Variants in EPHB1 observed in about 807,000 individuals in gnomAD.
The protein encoded by EPHB1 is EPH receptor B1.
Under a neutral mutation model 94.4 loss-of-function variants are expected in EPHB1, and 30 were observed. That is an observed-to-expected ratio of 0.32 (90% CI 0.24 to 0.43). The LOEUF (loss-of-function observed/expected upper bound fraction) is 0.43. Among genes scored for constraint, EPHB1 ranks in the 20% least tolerant of loss-of-function variants. The pLI is 1.00. For synonymous variants in EPHB1, 522 were observed against 489.1 expected (o/e 1.07, Z -0.89); for missense variants, 1,055 against 1,308.3 (o/e 0.81, Z 2.99).
chr3:135,119,580 G>A (rs1270868921), intron 4 of EPHB1, among the ~76,000 whole-genome samples: 1 of 152,022 alleles, frequency 6.6e-6, no homozygotes, highest in African/African-American at 2.4e-5. Flanking sequence ...AGCCTCCTGA[G>A]TAGCTGGGCT....
At chr3:135,134,852 C>T (rs185508285) in intron 5 of EPHB1, among the ~76,000 whole-genome samples, 4 of 152,190 alleles carry the variant, frequency 2.6e-5, no homozygotes, top group South Asian at 2.1e-4. Flanking sequence ...TAAGCATGTG[C>T]GAACAAACCT....
chr3:135,133,356 G>A (rs765133139), intron 5 of EPHB1, among the ~76,000 whole-genome samples: 2 of 152,244 alleles, frequency 1.3e-5, no homozygotes, highest in Non-Finnish European at 2.9e-5. Context: ...CTGTTGGAAA[G>A]ATGGATGAAG....
intron 4 of EPHB1, among the ~76,000 whole-genome samples, chr3:135,121,167 G>C (rs1198274206): frequency 6.6e-6 from 1 of 152,234 alleles, no homozygotes; most frequent in Non-Finnish European, 1.5e-5. Flanking sequence ...TCCTGAGAGT[G>C]GCTTGCGAGG....
intron 3 of EPHB1, among the ~76,000 whole-genome samples, chr3:135,096,560 C>T (rs1003101314): frequency 6.6e-6 from 1 of 152,184 alleles, no homozygotes; most frequent in African/African-American, 2.4e-5. Context: ...CACTGGGTGG[C>T]TTAAACAACA....
intron 3 of EPHB1, among the ~76,000 whole-genome samples, chr3:135,102,948 A>G (rs7373969): frequency 0.57 from 85,759 of 151,248 alleles, 24,419 homozygotes; most frequent in East Asian, 0.76. Context: ...GACACAGGGA[A>G]GGGAACGTCA....
At position 135,133,044 on chromosome 3, in the gene EPHB1, A is replaced by G. The variant is rs1940476809; in HGVS notation, c.1292A>G (p.Gln431Arg). Residue 431 changes from glutamine (Q) to arginine (R), a missense_variant, in exon 5 of 16, where the codon CAA becomes CGA. Transcript: ENST00000398015. ...GTCTCTGTCAACATCACCACAAACC[A>G]AGCCGGTAAGTCTGGAGGCTTCTGT... Reference protein sequence around the residue: ...QHVSVNITTNQAAPSTVPIMH... With the variant: ...QHVSVNITTNRAAPSTVPIMH... 1 of 1,583,094 alleles carries G rather than the reference A, an allele frequency of 6.3e-7. No individual in the cohort carries two copies. Among genetic ancestry groups the G allele is most frequent in the African/African-American group, 1.3e-5 (1 of 74,384 alleles).
At chr3:135,071,285 G>C (rs1457929229) in intron 3 of EPHB1, among the ~76,000 whole-genome samples, 4 of 152,178 alleles carry the variant, frequency 2.6e-5, no homozygotes, top group Admixed American at 2.6e-4. Flanking sequence ...GAATATCAGG[G>C]GAGACTGGAC....
intron 2 of EPHB1, among the ~76,000 whole-genome samples, chr3:134,942,303 C>T (rs2039135449): frequency 6.6e-6 from 1 of 151,732 alleles, no homozygotes; most frequent in East Asian, 1.9e-4. Context: ...TTTTAGAAAA[C>T]TCATACGAGC....
At chr3:135,116,768 C>T (rs1347357341) in intron 4 of EPHB1, among the ~76,000 whole-genome samples, 3 of 152,234 alleles carry the variant, frequency 2.0e-5, no homozygotes, top group Non-Finnish European at 4.4e-5. Context: ...TTGCAGCCTT[C>T]TACCCTCTCC....
chr3:134,873,866 G>T (rs2037554618), intron 1 of EPHB1, among the ~76,000 whole-genome samples: 1 of 152,202 alleles, frequency 6.6e-6, no homozygotes, highest in African/African-American at 2.4e-5. Context: ...TCAACTTCAG[G>T]TTCTAGTTTT....
At position 135,218,632 on chromosome 3, in the gene EPHB1, G is replaced by A. The variant is rs562334072; in HGVS notation, c.2346+16943G>A. Among the ~76,000 whole-genome samples, 5 of 152,332 alleles carry A rather than the reference G, an allele frequency of 3.3e-5. No individual in the cohort carries two copies. In the South Asian group the frequency reaches 1.0e-3, roughly 32 times the overall value. ...CATGTGGGAGGGGCCAGCCACCTGG[G>A]TGCAGGCCCATGCAGTGCCTCTACT... On this transcript the variant is annotated intron_variant, in intron 12 of 15. Transcript: ENST00000398015.
intron 2 of EPHB1, among the ~76,000 whole-genome samples, chr3:134,941,772 C>CACACAG (rs1387776891): frequency 2.6e-5 from 4 of 151,354 alleles, no homozygotes; most frequent in Non-Finnish European, 5.9e-5. Flanking sequence ...CACACACACA[C>CACACAG]ACACACACAC....
intron 12 of EPHB1, among the ~76,000 whole-genome samples, chr3:135,206,619 G>T (rs1334144204): frequency 6.6e-6 from 1 of 152,192 alleles, no homozygotes; most frequent in Non-Finnish European, 1.5e-5. Flanking sequence ...GGAGGCCGAG[G>T]TGGGTGGATC....
chr3:134,881,256 G>A (rs1038757602), intron 1 of EPHB1, among the ~76,000 whole-genome samples: 1 of 152,158 alleles, frequency 6.6e-6, no homozygotes, highest in African/African-American at 2.4e-5. Flanking sequence ...AAGTGTAGGT[G>A]TGTGTTTCAT....
intron 3 of EPHB1, among the ~76,000 whole-genome samples, chr3:135,055,208 G>T (rs1328738590): frequency 6.6e-6 from 1 of 152,176 alleles, no homozygotes; most frequent in African/African-American, 2.4e-5. Flanking sequence ...TTCCTATAAT[G>T]TTGGACATTT....
chr3:134,828,550 G>A (rs543924896), intron 1 of EPHB1, among the ~76,000 whole-genome samples: 1 of 152,330 alleles, frequency 6.6e-6, no homozygotes, highest in East Asian at 1.9e-4. Context: ...CCAAGTGGCT[G>A]AATTACTGCC....
chr3:135,159,584 TC>T (rs1184609808), intron 6 of EPHB1, among the ~76,000 whole-genome samples: 2 of 152,232 alleles, frequency 1.3e-5, no homozygotes, highest in Non-Finnish European at 2.9e-5. Flanking sequence ...TGATCAAAGT[TC>T]TGGATGACAT....
chr3:135,112,980 C>A (rs1386525858), intron 4 of EPHB1, among the ~76,000 whole-genome samples: 1 of 152,164 alleles, frequency 6.6e-6, no homozygotes, highest in African/African-American at 2.4e-5. Context: ...CCTGTGTGTT[C>A]TATTTGATAG....
In EPHB1 at chr3:135,251,954, G is replaced by T. The variant is rs1448752168; in HGVS notation, c.2846+2463G>T. ...GTATTTGAACACTAGCTCCACCACTGCTTACCTACTGTGTGACCTTGAGCA... is the reference window on the plus strand; with the variant it reads ...GTATTTGAACACTAGCTCCACCACTTCTTACCTACTGTGTGACCTTGAGCA... On this transcript the variant is annotated intron_variant, in intron 15 of 15. Coordinates refer to ENST00000398015, the MANE Select transcript of EPHB1 (RefSeq NM_004441.5). Among the ~76,000 whole-genome samples, 3 of 152,242 alleles carry T rather than the reference G, an allele frequency of 2.0e-5. No homozygotes were observed. The East Asian group carries it at 5.8e-4, about 29-fold the overall frequency.
Sources: allele counts gnomAD v4.1 joint callset (sites outside exome capture counted in the v4.1 genomes callset), GRCh38; gene constraint gnomAD v4.1.1; transcripts MANE v1.5; gene names NCBI Gene and HGNC (gene_info 2026-07-23, HGNC 2026-07-21).